MYOZ3: variants seen among roughly 807,000 people sequenced by gnomAD.
MYOZ3 encodes myozenin 3.
A neutral mutation model predicts 26.5 loss-of-function variants in MYOZ3; 19 were observed. That is an observed-to-expected ratio of 0.72 (90% CI 0.50 to 1.05). MYOZ3 has a LOEUF of 1.05. Ranked by LOEUF, MYOZ3 falls within the 50% of genes least tolerant of loss-of-function variation. The pLI, the probability that MYOZ3 is intolerant of heterozygous loss-of-function variation, is 0.00. For synonymous variants in MYOZ3, 135 were observed against 138.8 expected (o/e 0.97, Z 0.19); for missense variants, 322 against 337.1 (o/e 0.96, Z 0.35).
In MYOZ3 at chr5:150,661,948, T is replaced by C. The variant is rs141691531; in HGVS notation, c.-2+521T>C. Among the ~76,000 whole-genome samples the C allele has an allele frequency of 2.2e-3, 339 of 152,230 alleles. 1 individual carries two copies. Among genetic ancestry groups the C allele is most frequent in the African/African-American group, 7.8e-3 (324 of 41,532 alleles). The stretch of plus-strand genomic sequence containing the variant: ...TGTGATTTAGCCTAACCCCCTACTG[T>C]TACAGATGGGGGAACTGAGGTGCAG... On this transcript the variant is annotated intron_variant, in intron 1 of 6. Transcript: ENST00000517768.
intron 2 of MYOZ3, 33 bp downstream of exon 2, chr5:150,663,035 A>G (rs1373137595): frequency 3.2e-6 from 5 of 1,563,824 alleles, no homozygotes; most frequent in Middle Eastern, 1.7e-4. Context: ...CCTTCCTCAG[A>G]CTCCATCATT....
At position 150,672,423 on chromosome 5, in the gene MYOZ3, G is replaced by A; in HGVS notation, c.508G>A (p.Glu170Lys). The stretch of plus-strand genomic sequence containing the variant: ...CAAGGGCTACCGCTGCCCTTGGCAG[G>A]AGTTCGTCAGCTACCGGGACTACCA... ...ISKGYRCPWQ[E>K]FVSYRDYQSD... The change falls in exon 6 of 7, where the codon GAG becomes AAG. Residue 170 changes from glutamate to lysine, a missense_variant. By Grantham distance (56) the Glu-to-Lys change is moderately conservative. Transcript: ENST00000517768. 1.2e-6 allele frequency: 2 copies of A among 1,613,462 alleles called. No individual in the cohort carries two copies. Among genetic ancestry groups the A allele is most frequent in the Non-Finnish European group, 1.7e-6 (2 of 1,179,690 alleles).
chr5:150,666,497 C>T (rs1758811045), intron 2 of MYOZ3, among the ~76,000 whole-genome samples: 1 of 151,180 alleles, frequency 6.6e-6, no homozygotes, highest in African/African-American at 2.4e-5. Context: ...GCCCATAGTC[C>T]CAGTTACTTG....
chr5:150,667,114 T>C (rs1171656584), intron 2 of MYOZ3, among the ~76,000 whole-genome samples: 1 of 152,094 alleles, frequency 6.6e-6, no homozygotes, highest in African/African-American at 2.4e-5. Flanking sequence ...TATGTGTCCG[T>C]TGAAAGAATA....
At chr5:150,675,603 C>A (rs147339561) in intron 6 of MYOZ3, among the ~76,000 whole-genome samples, 17 of 152,200 alleles carry the variant, frequency 1.1e-4, no homozygotes, top group African/African-American at 4.1e-4. Context: ...GAACTCCTGA[C>A]CTCAGGTGAT....
At chr5:150,664,756 G>T (rs1224031386) in intron 2 of MYOZ3, among the ~76,000 whole-genome samples, 1 of 151,976 alleles carries the variant, frequency 6.6e-6, no homozygotes, top group Admixed American at 6.6e-5. Flanking sequence ...CTTCAGAGCT[G>T]TTTCTTTATT....
chr5:150,665,784 C>T (rs1032331263), intron 2 of MYOZ3, among the ~76,000 whole-genome samples: 3 of 151,346 alleles, frequency 2.0e-5, no homozygotes, highest in Non-Finnish European at 4.4e-5. Flanking sequence ...GCCTGTAATC[C>T]CAGCACTTTG....
At chr5:150,666,613 CAA>C (rs1225832285) in intron 2 of MYOZ3, among the ~76,000 whole-genome samples, 6,403 of 103,896 alleles carry the variant, frequency 0.062, 459 homozygotes, top group African/African-American at 0.22. Context: ...GACTCTGTCT[CAA>C]AAAAAAAAAA....
rs1759053230 is a variant in MYOZ3 at position 150,678,534 on chromosome 5, G to A, written c.*1659G>A. On this transcript the variant is annotated 3_prime_UTR_variant, in exon 7 of 7. Transcript: ENST00000517768. ...TGGGTGGTCAATGCCCACTCGCTCT[G>A]AAATCATCTGACTGTGATGCCCTGC... is the stretch of plus-strand genomic sequence containing the variant. 1 of 152,326 alleles carries A rather than the reference G, an allele frequency of 6.6e-6. No individual in the cohort carries two copies. The highest frequency in any genetic ancestry group is 1.5e-5 in the Non-Finnish European group (1 of 68,054). The allele number at this position is 152,326 out of a possible 1,614,324, so 9.4% of individuals were successfully genotyped here.
chr5:150,671,025 A>T (rs1403211219), intron 3 of MYOZ3: 1 of 162,762 alleles, frequency 6.1e-6, no homozygotes, highest in East Asian at 1.8e-4. Flanking sequence ...CCCACCGGAG[A>T]AAGGAAAGGC....
At chr5:150,664,096 G>T (rs1284197371) in intron 2 of MYOZ3, among the ~76,000 whole-genome samples, 1 of 152,088 alleles carries the variant, frequency 6.6e-6, no homozygotes, top group Non-Finnish European at 1.5e-5. Flanking sequence ...AGCATACAGA[G>T]TCCCAGCATC....
chr5:150,666,630 A>T (rs13163278), intron 2 of MYOZ3, among the ~76,000 whole-genome samples: 26,996 of 119,592 alleles, frequency 0.23, 3,281 homozygotes, highest in Non-Finnish European at 0.28. Flanking sequence ...AAAAAAAAAA[A>T]ATATATATAT....
chr5:150,670,638 GGTGA>G lies in MYOZ3; in HGVS notation c.216+3_216+6del, dbSNP rs151116688. 4.8e-4 allele frequency: 769 copies of G among 1,606,844 alleles called. 1 individual carries two copies. The African/African-American group carries it at 8.9e-3, about 19-fold the overall frequency. On this transcript the variant is annotated splice_donor_variant and splice_donor_region_variant and intron_variant, in intron 3 of 6. Coordinates refer to ENST00000517768, the MANE Select transcript of MYOZ3 (RefSeq NM_001122853.3). LOFTEE classifies it high-confidence loss of function. ...TCGAGTTAGCAGCCAGCCAGCGGGC[GGTGA>G]GTAAGCCACCATTGTGCTCATGGGG...
chr5:150,666,474 C>T lies in MYOZ3; in HGVS notation c.61+3472C>T, dbSNP rs936499664. On this transcript the variant is annotated intron_variant, in intron 2 of 6. Transcript: ENST00000517768. ...GCTAAAAATACAAAAATTAGCCGTG[C>T]GTGGTGGCTCATGCCCATAGTCCCA... is the stretch of plus-strand genomic sequence containing the variant. Among the ~76,000 whole-genome samples, 5 of 151,572 alleles carry T rather than the reference C, an allele frequency of 3.3e-5. No homozygotes were observed. The South Asian group carries it at 1.0e-3, about 32-fold the overall frequency.
chr5:150,675,956 T>C (rs1758999092), intron 6 of MYOZ3, among the ~76,000 whole-genome samples: 1 of 152,230 alleles, frequency 6.6e-6, no homozygotes, highest in Admixed American at 6.5e-5. Flanking sequence ...TCCCCCGCCA[T>C]CTCACCAACT....
rs142015769 is a variant in MYOZ3, at chr5:150,665,448, C to T, written c.61+2446C>T. Among the ~76,000 whole-genome samples, 154 of 152,292 alleles carry T rather than the reference C, an allele frequency of 1.0e-3. 1 individual carries two copies. The highest frequency in any genetic ancestry group is 3.5e-3 in the African/African-American group (147 of 41,560). On this transcript the variant is annotated intron_variant, in intron 2 of 6. Transcript: ENST00000517768. ...CTAATAAGGGGCATCTGGCAGCATC[C>T]ACCACGAGACTGAGTCCCAGTTTTC... is the stretch of plus-strand genomic sequence containing the variant.
chr5:150,662,815 C>T (rs1758754621), intron 1 of MYOZ3, 126 bp from the exon 2 acceptor site: 1 of 791,286 alleles, frequency 1.3e-6, no homozygotes. Flanking sequence ...TCAGACATCC[C>T]TTGCTTGTGA....
intron 2 of MYOZ3, among the ~76,000 whole-genome samples, chr5:150,665,070 G>A (rs1372370293): frequency 1.3e-5 from 2 of 149,040 alleles, no homozygotes; most frequent in African/African-American, 2.5e-5. Flanking sequence ...TTTATCTCAC[G>A]CCTTCCTTCC....
At position 150,672,412 on chromosome 5, in the gene MYOZ3, G is replaced by C. The variant is rs748192263; in HGVS notation, c.497G>C (p.Cys166Ser). 4 of 1,613,492 alleles carry C rather than the reference G, an allele frequency of 2.5e-6. No individual in the cohort carries two copies. The highest frequency in any genetic ancestry group is 3.4e-6 in the Non-Finnish European group (4 of 1,179,796). ...NHTAISKGYR[C>S]PWQEFVSYRD... ...ACCGCCATCTCCAAGGGCTACCGCT[G>C]CCCTTGGCAGGAGTTCGTCAGCTAC... is the stretch of plus-strand genomic sequence containing the variant. Residue 166 changes from cysteine (C) to serine (S), a missense_variant, in exon 6 of 7, where the codon TGC (cysteine) becomes TCC (serine). Transcript: ENST00000517768.
Sources: gnomAD v4.1 joint callset for allele counts (sites outside exome capture counted in the v4.1 genomes callset) on GRCh38, gnomAD v4.1.1 for gene constraint, MANE v1.5 for transcripts, NCBI Gene and HGNC (gene_info 2026-07-23, HGNC 2026-07-21) for gene names.